Variants in DNAH14 observed in about 807,000 individuals in gnomAD.
DNAH14 encodes axonemal beta dynein heavy chain 14.
DNAH14 carries 478 observed loss-of-function variants against 520.9 expected under a neutral mutation model. The observed-to-expected ratio is 0.92, with a 90% confidence interval of 0.85 to 0.99. DNAH14 has a LOEUF of 0.99. Ranked by LOEUF, DNAH14 falls within the 50% of genes least tolerant of loss-of-function variation. DNAH14 has a pLI of 0.00. For synonymous variants in DNAH14, 1,581 were observed against 1,757.2 expected (o/e 0.90, Z 2.51); for missense variants, 4,831 against 5,234.5 (o/e 0.92, Z 2.38).
At chr1:225,117,562 C>T in intron 23 of DNAH14, 122 bp from the exon 24 acceptor site, 1 of 610,390 alleles carries the variant, frequency 1.6e-6, no homozygotes, top group South Asian at 2.3e-5. Context: ...TTAACTGATA[C>T]TACTATATAT....
chr1:225,360,432 G>A (rs1356344303), intron 74 of DNAH14, among the ~76,000 whole-genome samples: 1 of 152,192 alleles, frequency 6.6e-6, no homozygotes, highest in Admixed American at 6.5e-5. Context: ...GAGGAGGAAA[G>A]GACAGGTAGA....
chr1:225,182,434 C>A (rs944012562), intron 36 of DNAH14, among the ~76,000 whole-genome samples: 5 of 152,042 alleles, frequency 3.3e-5, no homozygotes, highest in African/African-American at 1.2e-4. Context: ...TGGAATAGAA[C>A]CTTCAAAGAA....
chr1:225,329,152 A>T (rs899838881), intron 64 of DNAH14, among the ~76,000 whole-genome samples: 7 of 152,166 alleles, frequency 4.6e-5, no homozygotes, highest in African/African-American at 1.7e-4. Flanking sequence ...ACTTAAAATT[A>T]CTTCTCAAAC....
intron 17 of DNAH14, among the ~76,000 whole-genome samples, chr1:225,066,622 A>G (rs2070912475): frequency 6.6e-6 from 1 of 152,026 alleles, no homozygotes; most frequent in Non-Finnish European, 1.5e-5. Flanking sequence ...ACTGTACCCA[A>G]TATGTAGTCT....
chr1:225,070,027 G>C (rs536921234), intron 17 of DNAH14, among the ~76,000 whole-genome samples: 1 of 152,224 alleles, frequency 6.6e-6, no homozygotes, highest in Admixed American at 6.5e-5. Flanking sequence ...ATAGTTGTTT[G>C]TATTTCTGTG....
rs187186608 is a variant in DNAH14 at position 225,189,582 on chromosome 1, T to C, written c.5671-3114T>C. Among the ~76,000 whole-genome samples the C allele has an allele frequency of 1.1e-4, 17 of 151,898 alleles. No individual in the cohort carries two copies. In the East Asian group the frequency reaches 3.3e-3, roughly 29 times the overall value. Reference sequence around the variant, plus strand: ...TTGAGATTTTCTATTTCTTCTTCAGTTGGTTTTGGTAATTTGTGTGTTTTT... The same window carrying C: ...TTGAGATTTTCTATTTCTTCTTCAGCTGGTTTTGGTAATTTGTGTGTTTTT... On this transcript the variant is annotated intron_variant, in intron 37 of 85. Transcript: ENST00000682510.
At chr1:225,054,106 A>G (rs2068808294) in intron 17 of DNAH14, among the ~76,000 whole-genome samples, 1 of 152,206 alleles carries the variant, frequency 6.6e-6, no homozygotes, top group Admixed American at 6.5e-5. Flanking sequence ...AGTGGCAGGC[A>G]GTAAAGACAT....
chr1:225,089,442 C>CAAAA (rs1169182387), intron 21 of DNAH14, among the ~76,000 whole-genome samples: 758 of 29,224 alleles, frequency 0.026, 19 homozygotes, highest in East Asian at 0.048. Flanking sequence ...AAAACTCCGT[C>CAAAA]AAAAAAAAAA....
chr1:225,159,245 TG>T, intron 34 of DNAH14, 68 bp from the exon 35 acceptor site: 3 of 1,274,664 alleles, frequency 2.4e-6, no homozygotes, highest in Non-Finnish European at 3.3e-6. Flanking sequence ...AGAATGTTAA[TG>T]GTCTTCAGTG....
intron 44 of DNAH14, among the ~76,000 whole-genome samples, chr1:225,255,783 A>G (rs2092710533): frequency 6.6e-6 from 1 of 152,226 alleles, no homozygotes; most frequent in Non-Finnish European, 1.5e-5. Flanking sequence ...ATAAAGGTAT[A>G]TATTCTCAGA....
intron 10 of DNAH14, 41 bp from the exon 11 acceptor site, chr1:225,023,570 CAAAG>C (rs775318117): frequency 6.3e-6 from 9 of 1,430,526 alleles, no homozygotes; most frequent in Admixed American, 5.3e-5. Flanking sequence ...GCTATATTAA[CAAAG>C]AAAATCAATA....
intron 26 of DNAH14, 112 bp downstream of exon 26, chr1:225,119,406 T>A (rs987006736): frequency 1.5e-6 from 1 of 679,588 alleles, no homozygotes; most frequent in Non-Finnish European, 2.2e-6. Context: ...AAGTGAGAAA[T>A]ATCCAGAAAA....
chr1:225,388,378 GA>G lies in DNAH14; in HGVS notation c.13080del (p.Lys4360AsnfsTer10). 1 of 1,498,102 alleles carries G rather than the reference GA, an allele frequency of 6.7e-7. No homozygotes were observed. Among genetic ancestry groups the G allele is most frequent in the Non-Finnish European group, 9.0e-7 (1 of 1,106,128 alleles). The allele number at this position is 1,498,102 out of a possible 1,614,324, so 92.8% of individuals were successfully genotyped here. On this transcript the variant is annotated frameshift_variant and splice_region_variant, in exon 82 of 86. Coordinates refer to ENST00000682510, the MANE Select transcript of DNAH14 (RefSeq NM_001367479.1). LOFTEE classifies it high-confidence loss of function. ...LNMRVPTLWQKHAYRSCKPLS... is the reference protein window; with the variant it reads ...LNMRVPTLWQXHAYRSCKPLS... ...ATGTGACTGTCTTTAAATCCCAACA[GA>G]AACACGCCTACAGATCTTGTAAGCC... is the stretch of plus-strand genomic sequence containing the variant.
At chr1:224,938,376 A>G (rs2059177926) in intron 1 of DNAH14, among the ~76,000 whole-genome samples, 1 of 152,182 alleles carries the variant, frequency 6.6e-6, no homozygotes. Context: ...AAAAATAGAC[A>G]AAAGATATGA....
intron 1 of DNAH14, 60 bp downstream of exon 1, chr1:224,929,895 G>A: frequency 4.9e-6 from 3 of 610,140 alleles, no homozygotes; most frequent in East Asian, 2.9e-5. Flanking sequence ...CGGGCGGCGC[G>A]TGGGGCAGCC....
chr1:225,015,385 G>A (rs993772474), intron 10 of DNAH14, among the ~76,000 whole-genome samples: 14 of 152,162 alleles, frequency 9.2e-5, no homozygotes, highest in East Asian at 7.7e-4. Flanking sequence ...CTCTCTTATT[G>A]TTATTTTTGC....
intron 17 of DNAH14, among the ~76,000 whole-genome samples, chr1:225,057,573 A>G (rs7513700): frequency 0.85 from 129,489 of 152,064 alleles, 58,714 homozygotes; most frequent in Non-Finnish European, 1. Context: ...ATGTTGAATA[A>G]GAGTGGTGAG....
chr1:225,027,585 G>A (rs536543856), intron 11 of DNAH14, among the ~76,000 whole-genome samples: 1 of 152,222 alleles, frequency 6.6e-6, no homozygotes, highest in South Asian at 2.1e-4. Flanking sequence ...AGGTGAAGAG[G>A]GAAGCAGGCA....
chr1:225,305,077 T>C lies in DNAH14; in HGVS notation c.8993T>C (p.Met2998Thr). 1 of 1,532,776 alleles carries C rather than the reference T, an allele frequency of 6.5e-7. No individual in the cohort carries two copies. Among genetic ancestry groups the C allele is most frequent in the Non-Finnish European group, 8.7e-7 (1 of 1,142,898 alleles). The allele number at this position is 1,532,776 out of a possible 1,614,324, so 94.9% of individuals were successfully genotyped here. A position where few individuals can be genotyped will look rare whatever the true frequency, so the allele number is the denominator to read the frequency against. ...AHILRAREEE[M>T]QTKRDRFHMG... ...ATTTTGAGGGCACGAGAGGAAGAGA[T>C]GCAAACAAAGAGGTAAGACTTTGAG... The change falls in exon 58 of 86, where the codon ATG becomes ACG. Residue 2998 changes from methionine to threonine, a missense_variant. Met to Thr is a moderately conservative substitution (Grantham distance 81). Coordinates refer to ENST00000682510, the MANE Select transcript of DNAH14 (RefSeq NM_001367479.1).
Sources: allele counts gnomAD v4.1 joint callset (sites outside exome capture counted in the v4.1 genomes callset), GRCh38; gene constraint gnomAD v4.1.1; transcripts MANE v1.5; gene names NCBI Gene and HGNC (gene_info 2026-07-23, HGNC 2026-07-21).